Variants in ITSN2 observed in about 807,000 individuals in gnomAD.
ITSN2 encodes the protein intersectin 2, also known as intersectin-2.
Under a neutral mutation model 243.7 loss-of-function variants are expected in ITSN2, and 156 were observed. That is an observed-to-expected ratio of 0.64 (90% CI 0.56 to 0.73). ITSN2 has a LOEUF of 0.73. Among genes scored for constraint, ITSN2 ranks in the 30% least tolerant of loss-of-function variants. The pLI is 0.00. For synonymous variants in ITSN2, 703 were observed against 699.9 expected (o/e 1.00, Z -0.07); for missense variants, 1,801 against 1,996.1 (o/e 0.90, Z 1.86).
At chr2:24,308,921 G>A (rs1361777117) in intron 7 of ITSN2, 165 bp from the exon 8 acceptor site, 1 of 595,476 alleles carries the variant, frequency 1.7e-6, no homozygotes, top group South Asian at 1.5e-5. Context: ...TGAGTGGCAG[G>A]TGAGTGAGCA....
chr2:24,232,400 A>G (rs1357480211), intron 29 of ITSN2, among the ~76,000 whole-genome samples: 1 of 152,210 alleles, frequency 6.6e-6, no homozygotes, highest in East Asian at 1.9e-4. Flanking sequence ...CATAAGCCTA[A>G]GACAGCAATG....
At chr2:24,245,163 G>A (rs1186226188) in intron 29 of ITSN2, among the ~76,000 whole-genome samples, 1 of 152,076 alleles carries the variant, frequency 6.6e-6, no homozygotes, top group Non-Finnish European at 1.5e-5. Flanking sequence ...TATATTTACT[G>A]TCAACCAAAA....
At chr2:24,339,583 A>G (rs1686823718) in intron 1 of ITSN2, among the ~76,000 whole-genome samples, 1 of 152,170 alleles carries the variant, frequency 6.6e-6, no homozygotes, top group African/African-American at 2.4e-5. Context: ...TAGGGAGGAA[A>G]GAGGGAAGGT....
intron 16 of ITSN2, among the ~76,000 whole-genome samples, 175 bp from the exon 17 acceptor site, chr2:24,285,018 T>A (rs1443226076): frequency 2.8e-5 from 4 of 143,760 alleles, no homozygotes; most frequent in African/African-American, 1.0e-4. Context: ...TGCCTCAGCC[T>A]CCCGAGTAGC....
chr2:24,267,240 G>A (rs1676763960), intron 20 of ITSN2, among the ~76,000 whole-genome samples: 1 of 152,068 alleles, frequency 6.6e-6, no homozygotes, highest in African/African-American at 2.4e-5. Flanking sequence ...CTGTCAGGGG[G>A]TGGGGGACTA....
At position 24,248,731 on chromosome 2, in the gene ITSN2, T is replaced by C. The variant is rs1460550626; in HGVS notation, c.3186A>G (p.Ser1062=). The change falls in exon 27 of 40, where the codon TCA becomes TCG. Residue 1062 remains serine (S), a synonymous_variant. Transcript: ENST00000355123. The part of the protein sequence containing the change: ...NKKPEIAQVT[S]AYVASGSEQL... ...GTTCAGAACCAGAAGCAACATATGC[T>C]GAAGTTACCTGAGCAATCTCTGAAA... is the stretch of plus-strand genomic sequence containing the variant. The C allele has an allele frequency of 1.9e-6, 3 of 1,613,522 alleles. No homozygotes were observed. The highest frequency in any genetic ancestry group is 1.7e-6 in the Non-Finnish European group (2 of 1,179,758).
intron 15 of ITSN2, among the ~76,000 whole-genome samples, chr2:24,288,364 A>G (rs868860779): frequency 2.0e-5 from 3 of 152,040 alleles, no homozygotes; most frequent in Non-Finnish European, 2.9e-5. Flanking sequence ...ATTCTATTTC[A>G]TAAGTCTGTA....
intron 20 of ITSN2, among the ~76,000 whole-genome samples, chr2:24,269,925 C>T (rs1677137783): frequency 6.6e-6 from 1 of 152,170 alleles, no homozygotes; most frequent in African/African-American, 2.4e-5. Flanking sequence ...AGCTCCGGTA[C>T]TACTAATAGC....
At chr2:24,272,064 G>T in intron 18 of ITSN2, 123 bp from the exon 19 acceptor site, 1 of 702,534 alleles carries the variant, frequency 1.4e-6, no homozygotes, top group Non-Finnish European at 2.2e-6. Flanking sequence ...GTACAGGGGT[G>T]GGGAGAAACT....
At chr2:24,265,727 C>T (rs1473977209) in intron 20 of ITSN2, among the ~76,000 whole-genome samples, 1 of 152,186 alleles carries the variant, frequency 6.6e-6, no homozygotes, top group African/African-American at 2.4e-5. Context: ...TTCAACTTAC[C>T]TTTCTAGCTT....
intron 37 of ITSN2, 81 bp from the exon 38 acceptor site, chr2:24,205,378 C>T (rs1020793685): frequency 1.3e-5 from 16 of 1,186,508 alleles, no homozygotes; most frequent in South Asian, 2.5e-5. Context: ...ATAACACTAC[C>T]GGCTCCCTGT....
In ITSN2 at chr2:24,203,710, G is replaced by A. The variant is rs1300524072; in HGVS notation, c.5010C>T (p.Arg1670=). 1.2e-5 allele frequency: 19 copies of A among 1,614,098 alleles called. No individual in the cohort carries two copies. The highest frequency in any genetic ancestry group is 1.6e-4 in the Middle Eastern group (1 of 6,084). ...TGGGGACCTCATGCAGCAGCAGTCGGCGGGTCATAGGGCCTTTGCTTTCCT... is the reference window on the plus strand; with the variant it reads ...TGGGGACCTCATGCAGCAGCAGTCGACGGGTCATAGGGCCTTTGCTTTCCT... The part of the protein sequence containing the change: ...TEQESKGPMT[R]RLLLHEVPTG... Residue 1670 remains arginine, a synonymous_variant, in exon 40 of 40, where the codon CGC becomes CGT. Transcript: ENST00000355123.
chr2:24,329,293 C>T (rs892136861), intron 1 of ITSN2, among the ~76,000 whole-genome samples: 6 of 152,120 alleles, frequency 3.9e-5, no homozygotes, highest in African/African-American at 1.4e-4. Context: ...CGGAGTCTCG[C>T]TCTGTCGCCC....
At position 24,310,578 on chromosome 2, in the gene ITSN2, G is replaced by A; in HGVS notation, c.467C>T (p.Thr156Ile). ...TGTGCTAACAGAAGGCACTAGGGGAGTGGGCATCATTAAGGGAGGAAGGTT... is the reference window on the plus strand; with the variant it reads ...TGTGCTAACAGAAGGCACTAGGGGAATGGGCATCATTAAGGGAGGAAGGTT... Reference protein sequence around the residue: ...GTNLPPLMMPTPLVPSVSTSS... With the variant: ...GTNLPPLMMPIPLVPSVSTSS... The change falls in exon 6 of 40, where the codon ACT becomes ATT. Residue 156 changes from threonine (T) to isoleucine (I), a missense_variant. By Grantham distance (89) the Thr-to-Ile change is moderately conservative. Transcript: ENST00000355123. 1 of 1,614,156 alleles carries A rather than the reference G, an allele frequency of 6.2e-7. No individual in the cohort carries two copies. Among genetic ancestry groups the A allele is most frequent in the South Asian group, 1.1e-5 (1 of 91,082 alleles).
At chr2:24,345,995 G>A (rs1687488936) in intron 1 of ITSN2, among the ~76,000 whole-genome samples, 1 of 152,056 alleles carries the variant, frequency 6.6e-6, no homozygotes, top group South Asian at 2.1e-4. Flanking sequence ...TTTTATTTTG[G>A]AGTGAAGAAA....
intron 17 of ITSN2, among the ~76,000 whole-genome samples, chr2:24,281,312 G>T (rs1678747257): frequency 6.6e-6 from 1 of 152,246 alleles, no homozygotes; most frequent in Non-Finnish European, 1.5e-5. Context: ...TTATAGGCGT[G>T]AGACACCACG....
At chr2:24,224,242 G>A (rs1670798546) in intron 29 of ITSN2, among the ~76,000 whole-genome samples, 1 of 152,158 alleles carries the variant, frequency 6.6e-6, no homozygotes, top group Non-Finnish European at 1.5e-5. Context: ...CAAGACTTTT[G>A]CCATATCCAC....
chr2:24,356,345 C>CAAAAAAAAAAAAAAAAAAAAGAAA, intron 1 of ITSN2, among the ~76,000 whole-genome samples: 1 of 109,394 alleles, frequency 9.1e-6, no homozygotes, highest in Non-Finnish European at 1.9e-5. Flanking sequence ...GACCCTGTCT[C>CAAAAAAAAAAAAAAAAAAAAGAAA]AAAAAAAAAA....
At chr2:24,279,556 A>G (rs1436917586) in intron 17 of ITSN2, among the ~76,000 whole-genome samples, 1 of 152,178 alleles carries the variant, frequency 6.6e-6, no homozygotes, top group Non-Finnish European at 1.5e-5. Flanking sequence ...TGCAAAGAAG[A>G]CAGGCAGATA....
Sources: allele counts gnomAD v4.1 joint callset (sites outside exome capture counted in the v4.1 genomes callset), GRCh38; gene constraint gnomAD v4.1.1; transcripts MANE v1.5; gene names NCBI Gene and HGNC (gene_info 2026-07-23, HGNC 2026-07-21).